Variants in L3MBTL4 observed in about 807,000 individuals in gnomAD.
L3MBTL4 encodes lethal(3)malignant brain tumor-like protein 4.
A neutral mutation model predicts 84.5 loss-of-function variants in L3MBTL4; 70 were observed. That is an observed-to-expected ratio of 0.83 (90% CI 0.68 to 1.01). L3MBTL4 has a LOEUF of 1.01. L3MBTL4 is among the 50% of genes least tolerant of loss of function. The pLI is 0.00. For missense variants in L3MBTL4, 715 were observed against 754.8 expected, an observed-to-expected ratio of 0.95 and a Z score of 0.62; for synonymous variants, 274 against 259.8, an observed-to-expected ratio of 1.05 and a Z score of -0.52.
At chr18:6,268,267 C>T (rs1315856209) in intron 4 of L3MBTL4, among the ~76,000 whole-genome samples, 5 of 152,074 alleles carry the variant, frequency 3.3e-5, no homozygotes, top group Non-Finnish European at 7.4e-5. Context: ...ATTAGCCGGG[C>T]ATAGTGACAG....
At chr18:6,391,752 A>AACTACTACTACTACTACTACTACT (rs139560897) in intron 1 of L3MBTL4, among the ~76,000 whole-genome samples, 7,843 of 150,026 alleles carry the variant, frequency 0.052, 240 homozygotes, top group Middle Eastern at 0.062. Context: ...CAACAACAAC[A>AACTACTACTACTACTACTACTACT]ACTACTACTA....
At chr18:6,003,402 G>A (rs1250852148) in intron 16 of L3MBTL4, among the ~76,000 whole-genome samples, 1 of 151,582 alleles carries the variant, frequency 6.6e-6, no homozygotes, top group African/African-American at 2.4e-5. Context: ...TCAGAATACA[G>A]GACACAAAAA....
Position 6,244,370 on chromosome 18 carries a change from T to A in L3MBTL4, c.324+114A>T, listed in dbSNP as rs1599312596. The A allele has an allele frequency of 1.1e-5, 7 of 620,960 alleles. No individual in the cohort carries two copies. The East Asian group carries it at 2.1e-4, about 18-fold the overall frequency. The allele number at this position is 620,960 out of a possible 1,614,324, so 38.5% of individuals were successfully genotyped here. Reference sequence around the variant, plus strand: ...TTCACCCATCGCTGACTAAAATAAATCCATAATGCACTGGAACTTCTTCAT... The same window carrying A: ...TTCACCCATCGCTGACTAAAATAAAACCATAATGCACTGGAACTTCTTCAT... On this transcript the variant is annotated intron_variant, in intron 6 of 18. Coordinates refer to ENST00000317931, the MANE Select transcript of L3MBTL4 (RefSeq NM_001330559.2).
intron 16 of L3MBTL4, among the ~76,000 whole-genome samples, chr18:6,062,720 A>G (rs888565191): frequency 1.3e-5 from 2 of 151,928 alleles, no homozygotes; most frequent in Non-Finnish European, 2.9e-5. Context: ...TTCTACGGAC[A>G]CAGCTTAAAG....
chr18:6,384,452 G>A (rs1231057101), intron 1 of L3MBTL4, among the ~76,000 whole-genome samples: 2 of 152,172 alleles, frequency 1.3e-5, no homozygotes, highest in Non-Finnish European at 2.9e-5. Flanking sequence ...AGAGTATGGG[G>A]TGGAAGGCAG....
chr18:6,033,796 C>A (rs1272012002), intron 16 of L3MBTL4, among the ~76,000 whole-genome samples: 1 of 152,162 alleles, frequency 6.6e-6, no homozygotes, highest in African/African-American at 2.4e-5. Context: ...AGTCCGATGA[C>A]ACACAAAAAC....
intron 4 of L3MBTL4, among the ~76,000 whole-genome samples, chr18:6,300,716 A>C (rs1057042009): frequency 6.6e-6 from 1 of 152,208 alleles, no homozygotes; most frequent in Non-Finnish European, 1.5e-5. Flanking sequence ...AACAATTTAC[A>C]TTAGTGTGAA....
At chr18:6,174,668 A>C (rs1462442089) in intron 12 of L3MBTL4, among the ~76,000 whole-genome samples, 2 of 152,080 alleles carry the variant, frequency 1.3e-5, no homozygotes, top group African/African-American at 4.8e-5. Flanking sequence ...CCAGGGGGTT[A>C]AGACTAGCCT....
chr18:6,117,697 G>A (rs928963989), intron 14 of L3MBTL4, among the ~76,000 whole-genome samples: 1 of 152,172 alleles, frequency 6.6e-6, no homozygotes, highest in African/African-American at 2.4e-5. Flanking sequence ...TGTGTGATAA[G>A]TACAGCGTCC....
chr18:6,059,994 T>C (rs2057152606), intron 16 of L3MBTL4, among the ~76,000 whole-genome samples: 1 of 152,220 alleles, frequency 6.6e-6, no homozygotes, highest in Non-Finnish European at 1.5e-5. Context: ...TTAATTGACA[T>C]CTAAAGAAAG....
At chr18:6,052,729 C>A (rs2056880531) in intron 16 of L3MBTL4, among the ~76,000 whole-genome samples, 1 of 152,184 alleles carries the variant, frequency 6.6e-6, no homozygotes, top group Admixed American at 6.5e-5. Flanking sequence ...CTCACTTTTT[C>A]TTACTTTGCC....
chr18:6,238,585 G>C (rs1056583459), intron 9 of L3MBTL4, among the ~76,000 whole-genome samples: 4 of 152,028 alleles, frequency 2.6e-5, no homozygotes, highest in Admixed American at 2.6e-4. Flanking sequence ...TGAATGAGCT[G>C]CCAGTGATGT....
chr18:6,254,585 A>G (rs1002214083), intron 5 of L3MBTL4, among the ~76,000 whole-genome samples: 1 of 152,072 alleles, frequency 6.6e-6, no homozygotes, highest in Non-Finnish European at 1.5e-5. Context: ...GTTATTTTGA[A>G]CATTTTTCAT....
At chr18:6,263,049 C>T (rs1186057560) in intron 5 of L3MBTL4, among the ~76,000 whole-genome samples, 1 of 152,108 alleles carries the variant, frequency 6.6e-6, no homozygotes, top group East Asian at 1.9e-4. Flanking sequence ...CCGAGGCAGG[C>T]GGATCATGAG....
intron 16 of L3MBTL4, among the ~76,000 whole-genome samples, chr18:5,978,270 C>T (rs1274874087): frequency 6.6e-6 from 1 of 152,170 alleles, no homozygotes; most frequent in Non-Finnish European, 1.5e-5. Flanking sequence ...GCAGATAGTC[C>T]TGGGGTCATC....
intron 10 of L3MBTL4, among the ~76,000 whole-genome samples, chr18:6,227,992 C>A (rs1266567213): frequency 6.6e-6 from 1 of 152,142 alleles, no homozygotes; most frequent in African/African-American, 2.4e-5. Flanking sequence ...AAAACTGACA[C>A]ATAATAGTTG....
intron 16 of L3MBTL4, among the ~76,000 whole-genome samples, chr18:6,002,796 G>A (rs939447513): frequency 6.6e-6 from 1 of 151,780 alleles, no homozygotes; most frequent in African/African-American, 2.4e-5. Context: ...ATCCTATATG[G>A]TATATAGAAA....
intron 1 of L3MBTL4, among the ~76,000 whole-genome samples, chr18:6,361,764 C>T (rs971710811): frequency 2.6e-5 from 4 of 152,106 alleles, no homozygotes; most frequent in African/African-American, 4.8e-5. Flanking sequence ...ATTCCATGTA[C>T]GTCGTCTCTT....
At chr18:6,319,321 A>C (rs1446281537) in intron 1 of L3MBTL4, among the ~76,000 whole-genome samples, 2 of 152,146 alleles carry the variant, frequency 1.3e-5, no homozygotes, top group African/African-American at 4.8e-5. Context: ...AAGTCGATGA[A>C]ACCAAAGGCT....
Sources: gnomAD v4.1 joint callset for allele counts (sites outside exome capture counted in the v4.1 genomes callset) on GRCh38, gnomAD v4.1.1 for gene constraint, MANE v1.5 for transcripts, NCBI Gene and HGNC (gene_info 2026-07-23, HGNC 2026-07-21) for gene names.